Variants in NOTCH4 observed in about 807,000 individuals in gnomAD.
NOTCH4 encodes notch receptor 4.
A neutral mutation model predicts 189.0 loss-of-function variants in NOTCH4; 138 were observed. The ratio of observed to expected loss-of-function variants is 0.73; its 90% CI spans 0.64 to 0.84. The LOEUF is 0.84. NOTCH4 is among the 40% of genes least tolerant of loss of function. The pLI is 0.00. For synonymous variants in NOTCH4, 942 were observed against 1,032.8 expected, an observed-to-expected ratio of 0.91 and a Z score of 1.69; for missense variants, 2,286 against 2,605.4, an observed-to-expected ratio of 0.88 and a Z score of 2.67.
intron 20 of NOTCH4, 175 bp downstream of exon 20, chr6:32,203,595 C>A: frequency 1.7e-6 from 1 of 572,454 alleles, no homozygotes; most frequent in Non-Finnish European, 3.1e-6. Context: ...ATCAACTGAT[C>A]CTGCCTTGCC....
chr6:32,203,572 T>C, intron 20 of NOTCH4, 198 bp downstream of exon 20: 1 of 542,298 alleles, frequency 1.8e-6, no homozygotes. Context: ...TTTTTGAAAA[T>C]TCCATTCATG....
intron 19 of NOTCH4, 75 bp downstream of exon 19, chr6:32,204,062 G>GGA: frequency 6.3e-7 from 1 of 1,578,286 alleles, no homozygotes; most frequent in South Asian, 1.1e-5. Flanking sequence ...CCGCATGGGT[G>GGA]GAGACTATCT....
At position 32,221,607 on chromosome 6, in the gene NOTCH4, GA is replaced by G. The variant is rs1456171834; in HGVS notation, c.452-283del. On this transcript the variant is annotated intron_variant, in intron 3 of 29. Transcript: ENST00000375023. The surrounding 1 kb of genome is among the most constrained non-coding windows in gnomAD (Gnocchi z 4.3). ...GGACGTGGGTGATCTTGGGGGAGGT[GA>G]AAAGCACCCCACGTCTGCAGGCAGG... is the stretch of plus-strand genomic sequence containing the variant. Among the ~76,000 whole-genome samples the G allele has an allele frequency of 2.0e-5, 3 of 152,090 alleles. No individual in the cohort carries two copies. The highest frequency in any genetic ancestry group is 4.4e-5 in the Non-Finnish European group (3 of 67,996).
Position 32,210,625 on chromosome 6 carries a change from G to A in NOTCH4, c.2865+127C>T. The A allele has an allele frequency of 2.3e-6, 2 of 869,424 alleles. No homozygotes were observed. Among genetic ancestry groups the A allele is most frequent in the South Asian group, 3.2e-5 (2 of 61,974 alleles). The allele number at this position is 869,424 out of a possible 1,614,324, so 53.9% of individuals were successfully genotyped here. On this transcript the variant is annotated intron_variant, in intron 18 of 29. Coordinates refer to ENST00000375023, the MANE Select transcript of NOTCH4 (RefSeq NM_004557.4). The surrounding 1 kb of genome is among the most constrained non-coding windows in gnomAD (Gnocchi z 4.8). Reference sequence around the variant, plus strand: ...AGTGGCATGACTTTGTGGTTAGTTGGGTGTGTGGGGTTAAAAAAAATAAAA... The same window carrying A: ...AGTGGCATGACTTTGTGGTTAGTTGAGTGTGTGGGGTTAAAAAAAATAAAA...
rs1166083117 is a variant in NOTCH4 at position 32,219,623 on chromosome 6, T to C, written c.1479A>G (p.Leu493=). 11 of 1,612,952 alleles carry C rather than the reference T, an allele frequency of 6.8e-6. No homozygotes were observed. The highest frequency in any genetic ancestry group is 7.6e-6 in the Non-Finnish European group (9 of 1,179,962). Residue 493 remains leucine (L), a synonymous_variant, in exon 8 of 30, where the codon CTA becomes CTG. Transcript: ENST00000375023. ...PCHPGSTCLD[L]LATFHCLCPP... is the part of the protein sequence containing the mutation. ...GGCAGAGGCAGTGGAAGGTGGCAAG[T>C]AGGTCCAGACAGGTGCTTCCTGGGT...
At position 32,204,404 on chromosome 6, in the gene NOTCH4, G is replaced by T. The variant is rs375326102; in HGVS notation, c.2866-15C>A. The T allele has an allele frequency of 3.1e-6, 5 of 1,609,924 alleles. No homozygotes were observed. The highest frequency in any genetic ancestry group is 2.7e-5 in the African/African-American group (2 of 74,838). On this transcript the variant is annotated splice_polypyrimidine_tract_variant and intron_variant, in intron 18 of 29. Transcript: ENST00000375023. ...CCTGGGGCACACTGCAGACAAAGAG[G>T]ATTAGACAGGGAACCAGTGGATGAG...
At position 32,222,776 on chromosome 6, in the gene NOTCH4, G is replaced by A. The variant is rs150489662; in HGVS notation, c.186C>T (p.Cys62=). 2 of 1,611,292 alleles carry A rather than the reference G, an allele frequency of 1.2e-6. No individual in the cohort carries two copies. Among genetic ancestry groups the A allele is most frequent in the Non-Finnish European group, 1.7e-6 (2 of 1,179,042 alleles). The change falls in exon 3 of 30, where the codon TGC becomes TGT. Residue 62 remains cysteine, a synonymous_variant. Coordinates refer to ENST00000375023, the MANE Select transcript of NOTCH4 (RefSeq NM_004557.4). ...QCAPGFLGET[C]QFPDPCQNAQ... ...CGTTCTGGCAGGGGTCAGGAAACTG[G>A]CACGTCTCACCCAGGAAGCCAGGGG...
chr6:32,195,503 T>C lies in NOTCH4; in HGVS notation c.5946A>G (p.Gln1982=), dbSNP rs1340503647. 5.0e-6 allele frequency: 8 copies of C among 1,612,838 alleles called. No individual in the cohort carries two copies. The highest frequency in any genetic ancestry group is 2.7e-5 in the African/African-American group (2 of 74,914). Residue 1982 remains glutamine (Q), a synonymous_variant, in exon 30 of 30, where the codon CAA becomes CAG. Transcript: ENST00000375023. This position sits in a 1 kb window ranked among gnomAD's most constrained non-coding sequence, Gnocchi z 5.4. ...LTPSPERGSP[Q]LDCGPPALQE... The stretch of plus-strand genomic sequence containing the variant: ...GGAGGGCTGGGGGACCACAGTCAAG[T>C]TGAGGTGATCCCCGCTCCGGGGACG...
In NOTCH4 at chr6:32,220,519, C is replaced by T. The variant is rs561687277; in HGVS notation, c.1045G>A (p.Gly349Ser). The change falls in exon 6 of 30, where the codon GGC becomes AGC. Residue 349 changes from glycine (G) to serine (S), a missense_variant. Around this residue, in one of 2 missense-constraint regions of NOTCH4, gnomAD observed 1,903 missense variants for 2,261.9 expected, o/e 0.84. Coordinates refer to ENST00000375023, the MANE Select transcript of NOTCH4 (RefSeq NM_004557.4). The part of the protein sequence containing the change: ...FHCVCVSGWG[G>S]TSCEENLDDC... ...TCCAGGTTCTCCTCACAGCTTGTGC[C>T]GCCCCAGCCACTCACACACACGCAG... 2.0e-4 allele frequency: 316 copies of T among 1,613,520 alleles called. 2 individuals are homozygous for T. The South Asian group carries it at 2.4e-3, about 13-fold the overall frequency.
chr6:32,207,631 C>G (rs1243910388), intron 18 of NOTCH4, among the ~76,000 whole-genome samples: 1 of 42,146 alleles, frequency 2.4e-5, no homozygotes, highest in Non-Finnish European at 6.0e-5. Context: ...GACTCTATCC[C>G]CCCCCCCCAA....
rs2127463283 is a variant in NOTCH4, at chr6:32,199,017, A to G, written c.4444T>C (p.Trp1482Arg). 1 of 1,612,500 alleles carries G rather than the reference A, an allele frequency of 6.2e-7. No individual in the cohort carries two copies. Among genetic ancestry groups the G allele is most frequent in the Non-Finnish European group, 8.5e-7 (1 of 1,179,784 alleles). ...CGTCGAGTGAAACCAGGGGGCAGCC[A>G]GAGAGCTCCATGCTCTCGGCGTCGA... ...RRRRREHGAL[W>R]LPPGFTRRPR... The change falls in exon 24 of 30, where the codon TGG becomes CGG. Residue 1482 changes from tryptophan to arginine, a missense_variant. By Grantham distance (101) the Trp-to-Arg change is moderately radical (BLOSUM62 -3). Transcript: ENST00000375023. This position sits in a 1 kb window ranked among gnomAD's most constrained non-coding sequence, Gnocchi z 4.9.
chr6:32,202,845 A>T lies in NOTCH4; in HGVS notation c.3232-246T>A. 2.2e-6 allele frequency: 1 copy of T among 448,202 alleles called. No individual in the cohort carries two copies. Among genetic ancestry groups the T allele is most frequent in the Admixed American group, 3.7e-5 (1 of 27,350 alleles). The allele number at this position is 448,202 out of a possible 1,614,324, so 27.8% of individuals were successfully genotyped here. On this transcript the variant is annotated intron_variant, in intron 20 of 29. Coordinates refer to ENST00000375023, the MANE Select transcript of NOTCH4 (RefSeq NM_004557.4). The surrounding 1 kb of genome is among the most constrained non-coding windows in gnomAD (Gnocchi z 5.7). ...ACAGCTGTGTGCAACAACCTGATGG[A>T]CTGTGGCATTACAGTGCAAGTCCTA...
chr6:32,215,333 C>T lies in NOTCH4; in HGVS notation c.1914G>A (p.Gln638=). ...CCTTGTCTTTCTGGTCCTTACATAT[C>T]TGCTTGGGCTGGCACAGGTTGGGAG... ...LCAPNLCQPK[Q]ICKDQKDKAN... Residue 638 remains glutamine (Q), a synonymous_variant, in exon 12 of 30, where the codon CAG becomes CAA. Transcript: ENST00000375023. 6.2e-7 allele frequency: 1 copy of T among 1,610,624 alleles called. No individual in the cohort carries two copies. The highest frequency in any genetic ancestry group is 8.5e-7 in the Non-Finnish European group (1 of 1,179,242).
chr6:32,219,919 AG>A, intron 7 of NOTCH4, 133 bp from the exon 8 acceptor site: 1 of 886,258 alleles, frequency 1.1e-6, no homozygotes, highest in Non-Finnish European at 1.7e-6. Context: ...TGTGTCTTTA[AG>A]ATGGAAAGGA....
chr6:32,220,676 C>T, intron 5 of NOTCH4, 35 bp from the exon 6 acceptor site: 1 of 1,612,102 alleles, frequency 6.2e-7, no homozygotes, highest in African/African-American at 1.3e-5. Flanking sequence ...AGGGCTAAGG[C>T]TGGGAGCCCT....
intron 29 of NOTCH4, 68 bp from the exon 30 acceptor site, chr6:32,196,218 A>G (rs1787906234): frequency 6.2e-7 from 1 of 1,606,288 alleles, no homozygotes; most frequent in Non-Finnish European, 8.5e-7. Context: ...TTCTGCCTTC[A>G]CTTGCGCGAC....
intron 1 of NOTCH4, 101 bp from the exon 2 acceptor site, chr6:32,223,187 A>G (rs138623276): frequency 4.7e-6 from 4 of 855,378 alleles, no homozygotes. Flanking sequence ...CAGCTCCCAC[A>G]GGTACTCTAA....
Position 32,195,698 on chromosome 6 carries a change from A to C in NOTCH4, c.5751T>G (p.Ser1917=). ...GGPTPRGRRF[S]AGMRGPRPNP... is the part of the protein sequence containing the mutation. ...TGGGCCGAGGCCCGCGCATGCCTGC[A>C]GAAAACCTACGGCCGCGAGGGGTCG... Residue 1917 remains serine, a synonymous_variant, in exon 30 of 30, where the codon TCT becomes TCG. Coordinates refer to ENST00000375023, the MANE Select transcript of NOTCH4 (RefSeq NM_004557.4). This position sits in a 1 kb window ranked among gnomAD's most constrained non-coding sequence, Gnocchi z 5.4. The C allele has an allele frequency of 3.7e-6, 6 of 1,613,006 alleles. No homozygotes were observed. The highest frequency in any genetic ancestry group is 5.1e-6 in the Non-Finnish European group (6 of 1,180,000).
At chr6:32,222,054 A>G (rs573997860) in intron 3 of NOTCH4, among the ~76,000 whole-genome samples, 569 of 151,972 alleles carry the variant, frequency 3.7e-3, no homozygotes, top group Non-Finnish European at 6.3e-3. Flanking sequence ...GCGGCCCCCA[A>G]TCCACTCTCT....
Sources: allele counts gnomAD v4.1 joint callset (sites outside exome capture counted in the v4.1 genomes callset), GRCh38; gene constraint gnomAD v4.1.1; regional missense constraint gnomAD v4.1.1; non-coding constraint Gnocchi (gnomAD v3.1); transcripts MANE v1.5; gene names NCBI Gene and HGNC (gene_info 2026-07-23, HGNC 2026-07-21).